ARHGEF12: variants seen among roughly 807,000 people sequenced by gnomAD.
ARHGEF12 encodes the protein Rho guanine nucleotide exchange factor 12.
Under a neutral mutation model 211.2 loss-of-function variants are expected in ARHGEF12, and 66 were observed. That is an observed-to-expected ratio of 0.31 (90% confidence interval 0.26 to 0.38). The LOEUF (loss-of-function observed/expected upper bound fraction) is 0.38. Among genes scored for constraint, ARHGEF12 ranks in the 10% least tolerant of loss-of-function variants. The pLI, the probability that ARHGEF12 is intolerant of heterozygous loss-of-function variation, is 1.00. For synonymous variants in ARHGEF12, 592 were observed against 638.4 expected (o/e 0.93, Z 1.09); for missense variants, 1,429 against 1,869.5 (o/e 0.76, Z 4.34).
rs770915144 is a variant in ARHGEF12 at position 120,442,161 on chromosome 11, A to G, written c.1261A>G (p.Ile421Val). 6.8e-6 allele frequency: 11 copies of G among 1,610,754 alleles called. No homozygotes were observed. Among genetic ancestry groups the G allele is most frequent in the Non-Finnish European group, 9.3e-6 (11 of 1,179,466 alleles). The change falls in exon 15 of 41, where the codon ATC becomes GTC. Residue 421 changes from isoleucine (I) to valine (V), a missense_variant. Ile to Val is a conservative substitution (Grantham distance 29). This residue lies in a region of ARHGEF12 where 373 missense variants were observed against 467.5 expected (regional missense o/e 0.80). Coordinates refer to ENST00000397843, the MANE Select transcript of ARHGEF12 (RefSeq NM_015313.3). ...TACCAATTCCAAAGAAACTCGTCGC[A>G]TCTTCCTTGAGTTTCATCAGTTCTT... ...KHTNSKETRRIFLEFHQFFLD... is the reference protein window; with the variant it reads ...KHTNSKETRRVFLEFHQFFLD...
chr11:120,350,026 G>A (rs754718976), intron 1 of ARHGEF12, among the ~76,000 whole-genome samples: 3 of 152,132 alleles, frequency 2.0e-5, no homozygotes, highest in South Asian at 2.1e-4. Flanking sequence ...ATCTGCCTTC[G>A]ATCACTCAGA....
chr11:120,484,608 C>A (rs1159254530), intron 40 of ARHGEF12, 101 bp downstream of exon 40: 11 of 1,073,018 alleles, frequency 1.0e-5, no homozygotes, highest in African/African-American at 1.6e-5. Flanking sequence ...GATTCCATTT[C>A]TCTTCTGTCT....
At position 120,487,094 on chromosome 11, in the gene ARHGEF12, A is replaced by G. The variant is rs1947415275; in HGVS notation, c.*2017A>G. 4.6e-6 allele frequency: 1 copy of G among 216,692 alleles called. No homozygotes were observed. The highest frequency in any genetic ancestry group is 9.3e-6 in the Non-Finnish European group (1 of 107,692). 13.4% of individuals were successfully genotyped at this position (216,692 alleles called of 1,614,324 possible). A position where few individuals can be genotyped will look rare whatever the true frequency, so the allele number is the denominator to read the frequency against. ...CCTGTAGCCACTTGACACTAACACC[A>G]TCGAGGGCAATTAATCAGGAGAAAA... On this transcript the variant is annotated 3_prime_UTR_variant, in exon 41 of 41. Transcript: ENST00000397843.
chr11:120,388,132 T>C (rs1379552402), intron 1 of ARHGEF12, among the ~76,000 whole-genome samples: 1 of 152,192 alleles, frequency 6.6e-6, no homozygotes, highest in African/African-American at 2.4e-5. Context: ...CATTGACTTG[T>C]CTTTGGTCCT....
At chr11:120,351,724 G>A (rs1942981033) in intron 1 of ARHGEF12, among the ~76,000 whole-genome samples, 1 of 151,856 alleles carries the variant, frequency 6.6e-6, no homozygotes, top group Admixed American at 6.6e-5. Context: ...GCCCGCCTCG[G>A]CCTCCCAAAA....
At chr11:120,415,302 A>AT (rs1002579666) in intron 4 of ARHGEF12, among the ~76,000 whole-genome samples, 12 of 151,948 alleles carry the variant, frequency 7.9e-5, no homozygotes, top group Admixed American at 1.3e-4. Flanking sequence ...AAACATTGTC[A>AT]TTTTTTTCTC....
Position 120,429,697 on chromosome 11 carries a change from T to A in ARHGEF12, c.664-15T>A. On this transcript the variant is annotated splice_polypyrimidine_tract_variant and intron_variant, in intron 9 of 40. Coordinates refer to ENST00000397843, the MANE Select transcript of ARHGEF12 (RefSeq NM_015313.3). Reference sequence around the variant, plus strand: ...ATAAGTAATTAATTCTGAAAATATTTTTATAACTTTTCAGTTATTGCAGGA... The same window carrying A: ...ATAAGTAATTAATTCTGAAAATATTATTATAACTTTTCAGTTATTGCAGGA... The A allele has an allele frequency of 6.2e-7, 1 of 1,604,938 alleles. No individual in the cohort carries two copies. Among genetic ancestry groups the A allele is most frequent in the East Asian group, 2.2e-5 (1 of 44,778 alleles).
At chr11:120,465,884 A>G (rs1003172557) in intron 28 of ARHGEF12, among the ~76,000 whole-genome samples, 4 of 152,268 alleles carry the variant, frequency 2.6e-5, no homozygotes, top group African/African-American at 9.6e-5. Flanking sequence ...TAATATAGAA[A>G]TCCACATTGC....
intron 19 of ARHGEF12, 125 bp from the exon 20 acceptor site, chr11:120,448,109 C>A: frequency 1.3e-6 from 1 of 797,196 alleles, no homozygotes; most frequent in Non-Finnish European, 2.0e-6. Context: ...CTAGTTAGTT[C>A]TTTAGTGTTT....
At chr11:120,414,240 A>G (rs1431565580) in intron 4 of ARHGEF12, among the ~76,000 whole-genome samples, 1 of 152,226 alleles carries the variant, frequency 6.6e-6, no homozygotes, top group Non-Finnish European at 1.5e-5. Context: ...TATGATTTTT[A>G]AGAGACAGGA....
chr11:120,430,829 C>T (rs1945502854), intron 10 of ARHGEF12, among the ~76,000 whole-genome samples: 2 of 152,094 alleles, frequency 1.3e-5, no homozygotes, highest in South Asian at 2.1e-4. Flanking sequence ...TATGTAAGGT[C>T]CCCTGACATC....
Position 120,409,427 on chromosome 11 carries a change from A to G in ARHGEF12, c.176A>G (p.Glu59Gly), listed in dbSNP as rs760515797. ...TCCAAGAAGACAAAGTCTAGTTCAG[A>G]GGAGAGTAGATCCGAGATATATGGT... ...SSSKKTKSSS[E>G]ESRSEIYGLV... The change falls in exon 4 of 41, where the codon GAG (glutamate) becomes GGG (glycine). Residue 59 changes from glutamate to glycine, a missense_variant. This residue lies in a region of ARHGEF12 where 60 missense variants were observed against 121.0 expected (regional missense o/e 0.50). Coordinates refer to ENST00000397843, the MANE Select transcript of ARHGEF12 (RefSeq NM_015313.3). The G allele has an allele frequency of 3.7e-6, 6 of 1,613,824 alleles. No individual in the cohort carries two copies. In the East Asian group the frequency reaches 1.3e-4, roughly 36 times the overall value.
chr11:120,385,511 C>G (rs1565443866), intron 1 of ARHGEF12: 2 of 985,006 alleles, frequency 2.0e-6, no homozygotes, highest in African/African-American at 1.7e-5. Flanking sequence ...TCTTTGTTTT[C>G]TGGGTCGTGT....
At chr11:120,435,158 G>T (rs1483642252) in intron 11 of ARHGEF12, among the ~76,000 whole-genome samples, 1 of 152,010 alleles carries the variant, frequency 6.6e-6, no homozygotes, top group Non-Finnish European at 1.5e-5. Flanking sequence ...GTCATTTTAA[G>T]TCTTTATAAT....
chr11:120,454,013 A>C (rs2135863013), intron 22 of ARHGEF12, among the ~76,000 whole-genome samples: 1 of 152,328 alleles, frequency 6.6e-6, no homozygotes, highest in Admixed American at 6.5e-5. Context: ...GCTCTTTTTT[A>C]AAATAATTCA....
rs888638989 is a variant in ARHGEF12, at chr11:120,487,047, A to G, written c.*1970A>G. 5 of 216,184 alleles carry G rather than the reference A, an allele frequency of 2.3e-5. No homozygotes were observed. The highest frequency in any genetic ancestry group is 1.1e-4 in the African/African-American group (5 of 44,416). The allele number at this position is 216,184 out of a possible 1,614,324, so 13.4% of individuals were successfully genotyped here. The stretch of plus-strand genomic sequence containing the variant: ...ACATTGTGCTGCTAGAAATAATGTC[A>G]TTCTCAATTAAAAGGGTTACACCTG... On this transcript the variant is annotated 3_prime_UTR_variant, in exon 41 of 41. Transcript: ENST00000397843.
intron 1 of ARHGEF12, among the ~76,000 whole-genome samples, chr11:120,403,502 A>G (rs4938805): frequency 0.46 from 69,865 of 150,900 alleles, 17,131 homozygotes; most frequent in African/African-American, 0.63. Flanking sequence ...GCGAGACTTA[A>G]TCGAAAAAAG....
chr11:120,369,523 T>TA (rs1943530592), intron 1 of ARHGEF12, among the ~76,000 whole-genome samples: 1 of 152,244 alleles, frequency 6.6e-6, no homozygotes, highest in Admixed American at 6.5e-5. Context: ...TTTAAAGAGT[T>TA]AAAGTCAGTG....
chr11:120,471,777 G>T (rs1437821470), intron 30 of ARHGEF12, among the ~76,000 whole-genome samples: 2 of 152,168 alleles, frequency 1.3e-5, no homozygotes. Flanking sequence ...GTTAATTGTA[G>T]AATATAGATG....
Sources: allele counts gnomAD v4.1 joint callset (sites outside exome capture counted in the v4.1 genomes callset), GRCh38; gene constraint gnomAD v4.1.1; regional missense constraint gnomAD v4.1.1; transcripts MANE v1.5; gene names NCBI Gene and HGNC (gene_info 2026-07-23, HGNC 2026-07-21).